The following RBM19 variants were observed in gnomAD, a reference collection of about 807,000 sequenced individuals.
RBM19 encodes RNA binding motif protein 19, also known as probable RNA-binding protein 19.
In RBM19, 94 loss-of-function variants were observed where a neutral mutation model predicts 116.8. That is an observed-to-expected ratio of 0.80 (90% CI 0.68 to 0.95). The LOEUF (loss-of-function observed/expected upper bound fraction) is 0.95. RBM19 is among the 40% of genes least tolerant of loss of function. The probability of loss-of-function intolerance (pLI) is 0.00; values close to 1 mark genes in which losing one functional copy is unlikely to be tolerated. For missense variants in RBM19, 1,161 were observed against 1,220.7 expected (o/e 0.95, Z 0.73); for synonymous variants, 475 against 494.1 (o/e 0.96, Z 0.51).
intron 14 of RBM19, 32 bp from the exon 15 acceptor site, chr12:113,940,192 A>G: frequency 6.3e-7 from 1 of 1,592,386 alleles, no homozygotes; most frequent in Non-Finnish European, 8.6e-7. Flanking sequence ...ACATGGGACC[A>G]CAGGAGGGAG....
intron 15 of RBM19, among the ~76,000 whole-genome samples, chr12:113,939,563 C>A (rs1666371036): frequency 1.3e-5 from 2 of 151,192 alleles, no homozygotes; most frequent in Non-Finnish European, 2.9e-5. Context: ...TCCTGGTGAA[C>A]ACGGTGAAAC....
chr12:113,921,455 A>G (rs1868550476), intron 18 of RBM19, among the ~76,000 whole-genome samples: 1 of 152,170 alleles, frequency 6.6e-6, no homozygotes. Flanking sequence ...TGTGAATTCA[A>G]AGAAGATTCC....
At chr12:113,844,874 T>A (rs1379233653) in intron 22 of RBM19, 86 bp from the exon 23 acceptor site, 16 of 1,475,366 alleles carry the variant, frequency 1.1e-5, no homozygotes, top group Non-Finnish European at 1.4e-5. Context: ...CCTGCCTGCG[T>A]CTCAGATGCC....
intron 11 of RBM19, 53 bp from the exon 12 acceptor site, chr12:113,946,528 G>A: frequency 6.2e-7 from 1 of 1,610,500 alleles, no homozygotes; most frequent in Non-Finnish European, 8.5e-7. Context: ...TGTAAGCCCT[G>A]CTTCCTGCCG....
chr12:113,881,639 A>G (rs575413822), intron 21 of RBM19, among the ~76,000 whole-genome samples: 2 of 152,244 alleles, frequency 1.3e-5, no homozygotes, highest in South Asian at 4.2e-4. Context: ...CTTTCCCTCA[A>G]GGGCCCATTT....
intron 21 of RBM19, among the ~76,000 whole-genome samples, chr12:113,894,826 G>C (rs188778409): frequency 6.6e-6 from 1 of 152,240 alleles, no homozygotes; most frequent in East Asian, 1.9e-4. Flanking sequence ...TTTGCAGACA[G>C]TCAAGTGGGA....
Position 113,959,356 on chromosome 12 carries a change from G to A in RBM19, c.427C>T (p.Arg143Trp), listed in dbSNP as rs760561195. Residue 143 changes from arginine (R) to tryptophan (W), a missense_variant, in exon 5 of 24, where the codon CGG becomes TGG. Transcript: ENST00000261741. The part of the protein sequence containing the change: ...FQEFLSVHQR[R>W]AQAATWANDG... Reference sequence around the variant, plus strand: ...TTCGCCCAAGTGGCTGCCTGCGCCCGCCTCTGATGAACTGACAGAAACTCC... The same window carrying A: ...TTCGCCCAAGTGGCTGCCTGCGCCCACCTCTGATGAACTGACAGAAACTCC... 51 of 1,612,824 alleles carry A rather than the reference G, an allele frequency of 3.2e-5. No homozygotes were observed. Among genetic ancestry groups the A allele is most frequent in the Middle Eastern group, 1.6e-4 (1 of 6,078 alleles).
chr12:113,949,162 C>T (rs2135924667), intron 9 of RBM19, 126 bp from the exon 10 acceptor site: 1 of 852,894 alleles, frequency 1.2e-6, no homozygotes, highest in East Asian at 2.5e-5. Context: ...GATGACAGCA[C>T]CCAACACCTG....
rs561719862 is a variant in RBM19 at position 113,942,311 on chromosome 12, C to G, written c.1737+13G>C. On this transcript the variant is annotated intron_variant, in intron 14 of 23. Coordinates refer to ENST00000261741, the MANE Select transcript of RBM19 (RefSeq NM_016196.4). ...GTGGCTGCTGGCTGGCTGGCGCCAC[C>G]GAGAACACCCACCTGGCTGAAGGAA... 2 of 1,598,554 alleles carry G rather than the reference C, an allele frequency of 1.3e-6. No homozygotes were observed. The highest frequency in any genetic ancestry group is 1.3e-5 in the African/African-American group (1 of 74,720).
rs532972344 is a variant in RBM19, at chr12:113,869,364, C to T, written c.2559-10468G>A. 2.0e-5 allele frequency among the ~76,000 whole-genome samples: 3 copies of T among 152,352 alleles called. No individual in the cohort carries two copies. The East Asian group carries it at 5.8e-4, about 29-fold the overall frequency. On this transcript the variant is annotated intron_variant, in intron 21 of 23. Coordinates refer to ENST00000261741, the MANE Select transcript of RBM19 (RefSeq NM_016196.4). ...AGCCAGACCCAGGCACCTCTGCCATCCCTTGGGCAGGGCAAGCCCTTGGGA... is the reference window on the plus strand; with the variant it reads ...AGCCAGACCCAGGCACCTCTGCCATTCCTTGGGCAGGGCAAGCCCTTGGGA...
chr12:113,825,961 C>T lies in RBM19; in HGVS notation c.2786-2640G>A, dbSNP rs983459300. Among the ~76,000 whole-genome samples, 7 of 152,178 alleles carry T rather than the reference C, an allele frequency of 4.6e-5. No homozygotes were observed. The highest frequency in any genetic ancestry group is 1.9e-4 in the East Asian group (1 of 5,184). On this transcript the variant is annotated intron_variant, in intron 23 of 23. Transcript: ENST00000261741. The surrounding 1 kb of genome is among the most constrained non-coding windows in gnomAD (Gnocchi z 5.7). ...TGGGGAAAAGCTAAAGCTGTCACGT[C>T]GGCTGCCAGGGCTACTGAGCAGGCC...
chr12:113,821,417 G>A (rs991519196), downstream of RBM19, among the ~76,000 whole-genome samples: 1 of 152,124 alleles, frequency 6.6e-6, no homozygotes, highest in Non-Finnish European at 1.5e-5. Flanking sequence ...ATGTGCCGCC[G>A]AACAGGACAC....
At chr12:113,837,108 TACAC>T (rs1297702998) in intron 23 of RBM19, among the ~76,000 whole-genome samples, 2 of 124,754 alleles carry the variant, frequency 1.6e-5, no homozygotes, top group Non-Finnish European at 3.3e-5. Flanking sequence ...CATACATACA[TACAC>T]ACACACGTCC....
At chr12:113,873,027 C>T (rs1183467722) in intron 21 of RBM19, among the ~76,000 whole-genome samples, 44 of 110,270 alleles carry the variant, frequency 4.0e-4, no homozygotes, top group East Asian at 8.7e-4. Context: ...CCCCTCTGCC[C>T]GGCCAGCCGC....
intron 22 of RBM19, among the ~76,000 whole-genome samples, chr12:113,852,632 C>T (rs1877546199): frequency 6.6e-6 from 1 of 152,192 alleles, no homozygotes; most frequent in African/African-American, 2.4e-5. Context: ...AACACTCAGC[C>T]ACCCTCACTT....
chr12:113,888,495 C>T (rs1880707751), intron 21 of RBM19, among the ~76,000 whole-genome samples: 1 of 152,152 alleles, frequency 6.6e-6, no homozygotes, highest in Non-Finnish European at 1.5e-5. Flanking sequence ...AGGTTCTTCC[C>T]AGGAACAGTA....
chr12:113,879,424 A>G (rs892706602), intron 21 of RBM19, among the ~76,000 whole-genome samples: 49 of 75,708 alleles, frequency 6.5e-4, no homozygotes, highest in African/African-American at 1.6e-3. Context: ...ATGATCATAC[A>G]TACATTTTAT....
chr12:113,895,451 G>A (rs998810286), intron 21 of RBM19, among the ~76,000 whole-genome samples: 7 of 152,158 alleles, frequency 4.6e-5, no homozygotes, highest in African/African-American at 1.4e-4. Flanking sequence ...GGATACGTAC[G>A]GCATTATGAA....
In RBM19 at chr12:113,948,900, C is replaced by G. The variant is rs767911178; in HGVS notation, c.1209G>C (p.Arg403Ser). 1.2e-6 allele frequency: 2 copies of G among 1,614,212 alleles called. No homozygotes were observed. Among genetic ancestry groups the G allele is most frequent in the Non-Finnish European group, 1.7e-6 (2 of 1,180,032 alleles). The change falls in exon 10 of 24, where the codon AGG becomes AGC. Residue 403 changes from arginine to serine, a missense_variant. By Grantham distance (110) the Arg-to-Ser change is moderately radical. Transcript: ENST00000261741. ...TGTAGGGCAGGTTCCGTACAAAGAG[C>G]CTTCCGGATTCGGCCAGGTCCTCCT... ...EEEEDLAESG[R>S]LFVRNLPYTS...
Sources: allele counts gnomAD v4.1 joint callset (sites outside exome capture counted in the v4.1 genomes callset), GRCh38; gene constraint gnomAD v4.1.1; non-coding constraint Gnocchi (gnomAD v3.1); transcripts MANE v1.5; gene names NCBI Gene and HGNC (gene_info 2026-07-23, HGNC 2026-07-21).